Variants in KCTD8 observed in about 807,000 individuals in gnomAD.
KCTD8 encodes the protein potassium channel tetramerization domain containing 8.
KCTD8 carries 27 observed loss-of-function variants against 31.5 expected under a neutral mutation model. The ratio of observed to expected loss-of-function variants is 0.86; its 90% CI spans 0.63 to 1.18. The LOEUF is 1.18. KCTD8 is among the 50% of genes most tolerant of loss of function. KCTD8 has a pLI of 0.00. For missense variants in KCTD8, 658 were observed against 647.7 expected (o/e 1.02, Z -0.17); for synonymous variants, 290 against 280.0 (o/e 1.04, Z -0.36).
intron 1 of KCTD8, among the ~76,000 whole-genome samples, chr4:44,235,189 G>C (rs1159308929): frequency 7.1e-5 from 9 of 127,530 alleles, no homozygotes; most frequent in African/African-American, 2.8e-4. Context: ...ACAGTGTGCT[G>C]AGTTTTTTTT....
chr4:44,272,297 C>G (rs934998525), intron 1 of KCTD8, among the ~76,000 whole-genome samples: 5 of 151,156 alleles, frequency 3.3e-5, no homozygotes, highest in Non-Finnish European at 7.4e-5. Context: ...TTCACAGAAC[C>G]TTTTTCAGAA....
chr4:44,354,738 A>C (rs1719299636), intron 1 of KCTD8, among the ~76,000 whole-genome samples: 1 of 152,152 alleles, frequency 6.6e-6, no homozygotes, highest in Non-Finnish European at 1.5e-5. Context: ...CAGGAATGTT[A>C]AATACTTGTA....
intron 1 of KCTD8, among the ~76,000 whole-genome samples, chr4:44,353,603 C>A (rs1271802360): frequency 6.6e-6 from 1 of 151,986 alleles, no homozygotes; most frequent in Non-Finnish European, 1.5e-5. Context: ...TTAATTATCA[C>A]CTCTTTATCC....
chr4:44,222,193 A>G (rs1157657696), intron 1 of KCTD8, among the ~76,000 whole-genome samples: 1 of 152,228 alleles, frequency 6.6e-6, no homozygotes, highest in East Asian at 1.9e-4. Flanking sequence ...TATAGAGGTT[A>G]GTCATTATGC....
intron 1 of KCTD8, among the ~76,000 whole-genome samples, chr4:44,283,838 C>T (rs1716977746): frequency 6.6e-6 from 1 of 152,058 alleles, no homozygotes; most frequent in Admixed American, 6.6e-5. Flanking sequence ...CAATAACAGA[C>T]AAACAGAGAG....
chr4:44,182,276 C>T (rs906947712), intron 1 of KCTD8, among the ~76,000 whole-genome samples: 1 of 152,368 alleles, frequency 6.6e-6, no homozygotes, highest in African/African-American at 2.4e-5. Context: ...GCCACCACCC[C>T]ATCTGGGCAG....
At chr4:44,437,258 G>C (rs892588458) in intron 1 of KCTD8, among the ~76,000 whole-genome samples, 1 of 151,982 alleles carries the variant, frequency 6.6e-6, no homozygotes, top group South Asian at 2.1e-4. Context: ...CTCACAACTT[G>C]TATCTTATGT....
At chr4:44,191,452 T>C (rs1317698847) in intron 1 of KCTD8, among the ~76,000 whole-genome samples, 4 of 152,188 alleles carry the variant, frequency 2.6e-5, no homozygotes, top group Non-Finnish European at 5.9e-5. Flanking sequence ...AAAAGAGCCA[T>C]ATTTTTCTTC....
At chr4:44,299,711 A>T (rs1050104645) in intron 1 of KCTD8, among the ~76,000 whole-genome samples, 2 of 149,122 alleles carry the variant, frequency 1.3e-5, no homozygotes, top group Admixed American at 6.7e-5. Context: ...CTGGCAACAG[A>T]GTGAGACTCC....
At position 44,290,229 on chromosome 4, in the gene KCTD8, A is replaced by G. The variant is rs116692916; in HGVS notation, c.962-114979T>C. On this transcript the variant is annotated intron_variant, in intron 1 of 1. Coordinates refer to ENST00000360029, the MANE Select transcript of KCTD8 (RefSeq NM_198353.3). ...CAAGAAGGACAAAAAAGGGCATTAT[A>G]TAATAAGAAAGGATACAATGCAACA... Among the ~76,000 whole-genome samples the G allele has an allele frequency of 6.3e-3, 954 of 152,274 alleles. 7 individuals are homozygous for G. The highest frequency in any genetic ancestry group is 0.025 in the South Asian group (123 of 4,824).
At chr4:44,180,720 C>G (rs993789182) in intron 1 of KCTD8, among the ~76,000 whole-genome samples, 1 of 152,094 alleles carries the variant, frequency 6.6e-6, no homozygotes, top group African/African-American at 2.4e-5. Flanking sequence ...CAAGCAAGAA[C>G]TTTGTGTTGG....
chr4:44,185,600 C>T (rs1282912601), intron 1 of KCTD8, among the ~76,000 whole-genome samples: 2 of 152,166 alleles, frequency 1.3e-5, no homozygotes, highest in South Asian at 2.1e-4. Context: ...GTGAATGCCT[C>T]GCTCTACCAA....
chr4:44,218,123 CCT>C (rs1714701656), intron 1 of KCTD8, among the ~76,000 whole-genome samples: 2 of 136,606 alleles, frequency 1.5e-5, no homozygotes, highest in Admixed American at 7.4e-5. Context: ...TTTAAAATGT[CCT>C]TTTTTTTTTT....
intron 1 of KCTD8, among the ~76,000 whole-genome samples, chr4:44,233,595 C>G (rs77526444): frequency 0.023 from 3,507 of 152,190 alleles, 145 homozygotes; most frequent in African/African-American, 0.081. Flanking sequence ...CAGAACCTGG[C>G]CTGCTGTCAG....
intron 1 of KCTD8, among the ~76,000 whole-genome samples, chr4:44,332,724 A>G (rs902564105): frequency 1.3e-5 from 2 of 152,016 alleles, no homozygotes; most frequent in African/African-American, 4.8e-5. Context: ...AGAAAACTCC[A>G]TAGTTAGGAA....
chr4:44,395,719 A>G (rs1486243186), intron 1 of KCTD8, among the ~76,000 whole-genome samples: 1 of 151,850 alleles, frequency 6.6e-6, no homozygotes, highest in African/African-American at 2.4e-5. Flanking sequence ...TACTTTTACT[A>G]TTTTCTGACT....
At chr4:44,305,776 G>A (rs1717784328) in intron 1 of KCTD8, among the ~76,000 whole-genome samples, 1 of 151,684 alleles carries the variant, frequency 6.6e-6, no homozygotes, top group Admixed American at 6.6e-5. Flanking sequence ...GTATTTGTAA[G>A]TATAAATTAG....
At chr4:44,260,654 G>A (rs919790916) in intron 1 of KCTD8, among the ~76,000 whole-genome samples, 1 of 151,922 alleles carries the variant, frequency 6.6e-6, no homozygotes, top group Admixed American at 6.6e-5. Flanking sequence ...CAAAGAGCCT[G>A]CAATGTCATC....
intron 1 of KCTD8, among the ~76,000 whole-genome samples, chr4:44,314,059 A>G (rs1216338502): frequency 6.6e-6 from 1 of 152,214 alleles, no homozygotes; most frequent in African/African-American, 2.4e-5. Context: ...AAGTAAAATT[A>G]ATGAAGTTAA....
Sources: allele counts gnomAD v4.1 joint callset (sites outside exome capture counted in the v4.1 genomes callset), GRCh38; gene constraint gnomAD v4.1.1; transcripts MANE v1.5; gene names NCBI Gene and HGNC (gene_info 2026-07-23, HGNC 2026-07-21).